Variants in TBX5 observed in about 807,000 individuals in gnomAD.
TBX5 encodes the protein T-box transcription factor TBX5.
TBX5 carries 8 observed loss-of-function variants against 51.1 expected under a neutral mutation model. The ratio of observed to expected loss-of-function variants is 0.16; its 90% CI spans 0.09 to 0.28. TBX5 has a LOEUF of 0.28. Ranked by LOEUF, TBX5 falls within the 10% of genes least tolerant of loss-of-function variation. TBX5 has a pLI of 1.00. For synonymous variants in TBX5, 302 were observed against 266.4 expected (o/e 1.13, Z -1.30); for missense variants, 589 against 671.7 (o/e 0.88, Z 1.36).
In TBX5 at chr12:114,355,596, G is replaced by A. The variant is rs1474068722; in HGVS notation, c.1493C>T (p.Ser498Phe). 2 of 1,614,214 alleles carry A rather than the reference G, an allele frequency of 1.2e-6. No individual in the cohort carries two copies. The highest frequency in any genetic ancestry group is 1.3e-5 in the African/African-American group (1 of 75,066). Residue 498 changes from serine to phenylalanine, a missense_variant, in exon 9 of 9, where the codon TCC (serine) becomes TTC (phenylalanine). Physicochemically the swap from Ser to Phe is radical, Grantham distance 155 (BLOSUM62 -2). Transcript: ENST00000405440. ...LYSHGVPRTL[S>F]PHQYHSVHGV... Reference sequence around the variant, plus strand: ...GTGCACAGAGTGGTACTGATGAGGGGATAGAGTCCTTGGCACGCCATGAGA... The same window carrying A: ...GTGCACAGAGTGGTACTGATGAGGGAATAGAGTCCTTGGCACGCCATGAGA...
chr12:114,384,667 T>C (rs1297604524), intron 7 of TBX5, among the ~76,000 whole-genome samples: 1 of 151,164 alleles, frequency 6.6e-6, no homozygotes, highest in Admixed American at 6.6e-5. Flanking sequence ...TCCAAAAGGA[T>C]CTCATTTTAT....
intron 1 of TBX5, among the ~76,000 whole-genome samples, chr12:114,405,260 C>T (rs747698819): frequency 1.3e-5 from 2 of 152,082 alleles, no homozygotes; most frequent in African/African-American, 2.4e-5. Context: ...ACTGGAGCCC[C>T]GCTGCCTACT....
At chr12:114,398,801 G>T (rs866738172) in intron 4 of TBX5, 81 bp from the exon 5 acceptor site, 191 of 1,519,608 alleles carry the variant, frequency 1.3e-4, no homozygotes, top group Middle Eastern at 4.2e-4. Flanking sequence ...TTCAGTTCAC[G>T]CACCAGGTGA....
chr12:114,401,767 T>C, intron 3 of TBX5, 59 bp downstream of exon 3: 3 of 1,544,430 alleles, frequency 1.9e-6, no homozygotes, highest in Non-Finnish European at 2.7e-6. Flanking sequence ...CCACCTTTTC[T>C]TCTTCACCTC....
chr12:114,382,177 G>A (rs183178154), intron 7 of TBX5, among the ~76,000 whole-genome samples: 78 of 152,092 alleles, frequency 5.1e-4, no homozygotes, highest in African/African-American at 1.7e-3. Context: ...AGCTGGATGC[G>A]GTGCTGTGTG....
At chr12:114,394,105 A>C (rs1871294410) in intron 6 of TBX5, among the ~76,000 whole-genome samples, 1 of 152,188 alleles carries the variant, frequency 6.6e-6, no homozygotes, top group Non-Finnish European at 1.5e-5. Context: ...CCAGGAGTTC[A>C]AGACCAGTCC....
At chr12:114,364,292 G>A (rs948355928) in intron 8 of TBX5, among the ~76,000 whole-genome samples, 17 of 152,192 alleles carry the variant, frequency 1.1e-4, no homozygotes, top group Admixed American at 3.3e-4. Flanking sequence ...GTTGACCACT[G>A]AGGCTGTGAG....
At chr12:114,363,517 G>C (rs1351217069) in intron 8 of TBX5, among the ~76,000 whole-genome samples, 1 of 152,124 alleles carries the variant, frequency 6.6e-6, no homozygotes, top group Non-Finnish European at 1.5e-5. Flanking sequence ...TAATTTAATC[G>C]ATTAGAGCTC....
At chr12:114,395,858 C>CCGTGGCCCGGCCGCCTCCCCGGCCG in intron 5 of TBX5, among the ~76,000 whole-genome samples, 2 of 152,242 alleles carry the variant, frequency 1.3e-5, no homozygotes, top group South Asian at 4.1e-4. Flanking sequence ...TTCCAGGCTG[C>CCGTGGCCCGGCCGCCTCCCCGGCCG]ACGTTCTTGC....
intron 7 of TBX5, among the ~76,000 whole-genome samples, chr12:114,370,071 A>G (rs1869769958): frequency 6.6e-6 from 1 of 152,012 alleles, no homozygotes; most frequent in Non-Finnish European, 1.5e-5. Flanking sequence ...TCTGGTCAAC[A>G]TGACGAAACC....
rs185820316 is a variant in TBX5 at position 114,381,207 on chromosome 12, G to C, written c.755+4269C>G. ...AGCAAATCCAAAAGTTATTTCTGTG[G>C]AATAAGTGCAAGGTAATGCTTAACT... On this transcript the variant is annotated intron_variant, in intron 7 of 8. Coordinates refer to ENST00000405440, the MANE Select transcript of TBX5 (RefSeq NM_181486.4). Among the ~76,000 whole-genome samples the C allele has an allele frequency of 4.6e-5, 7 of 152,336 alleles. No homozygotes were observed. The East Asian group carries it at 5.8e-4, about 13-fold the overall frequency.
At position 114,401,917 on chromosome 12, in the gene TBX5, T is replaced by C; in HGVS notation, c.151A>G (p.Met51Val). 1.2e-6 allele frequency: 2 copies of C among 1,614,194 alleles called. No homozygotes were observed. The highest frequency in any genetic ancestry group is 1.7e-6 in the Non-Finnish European group (2 of 1,180,030). ...SPQAAFTQQG[M>V]EGIKVFLHER... ...TGGAGAAACACTTTGATTCCCTCCA[T>C]GCCCTGCAAGAAGGAGAAAAAAGTC... The change falls in exon 3 of 9, where the codon ATG (methionine) becomes GTG (valine). Residue 51 changes from methionine (M) to valine (V), a missense_variant. By Grantham distance (21) the Met-to-Val change is conservative. Around this residue, in one of 7 missense-constraint regions of TBX5, gnomAD observed 101 missense variants for 83.3 expected, o/e 1.21. Coordinates refer to ENST00000405440, the MANE Select transcript of TBX5 (RefSeq NM_181486.4).
chr12:114,397,393 C>T (rs144155373), intron 5 of TBX5, among the ~76,000 whole-genome samples: 28 of 152,288 alleles, frequency 1.8e-4, no homozygotes, highest in Admixed American at 9.2e-4. Flanking sequence ...CCTAGGCTGC[C>T]GTGAGAATCA....
intron 7 of TBX5, among the ~76,000 whole-genome samples, chr12:114,380,369 C>T (rs1192544196): frequency 6.6e-6 from 1 of 152,176 alleles, no homozygotes; most frequent in Non-Finnish European, 1.5e-5. Context: ...AATTTCTGTG[C>T]TTTGCATATT....
At chr12:114,397,201 G>T (rs1042621070) in intron 5 of TBX5, among the ~76,000 whole-genome samples, 11 of 152,080 alleles carry the variant, frequency 7.2e-5, no homozygotes, top group South Asian at 2.1e-4. Context: ...CCTGAAATCG[G>T]CGACCATGCG....
At chr12:114,370,532 C>T (rs550712295) in intron 7 of TBX5, among the ~76,000 whole-genome samples, 1 of 152,178 alleles carries the variant, frequency 6.6e-6, no homozygotes, top group African/African-American at 2.4e-5. Context: ...TGGGTGCTAG[C>T]ATGGTCAGTT....
Position 114,398,733 on chromosome 12 carries a change from G to A in TBX5, c.363-13C>T. 3.1e-6 allele frequency: 5 copies of A among 1,594,700 alleles called. No homozygotes were observed. Among genetic ancestry groups the A allele is most frequent in the Non-Finnish European group, 4.3e-6 (5 of 1,170,646 alleles). On this transcript the variant is annotated splice_polypyrimidine_tract_variant and intron_variant, in intron 4 of 8. Coordinates refer to ENST00000405440, the MANE Select transcript of TBX5 (RefSeq NM_181486.4). ...GCCCGTCACAGACCTAGATGAAGGAGAGGTGTACTAGAGGCCTGGCTCAGA... is the reference window on the plus strand; with the variant it reads ...GCCCGTCACAGACCTAGATGAAGGAAAGGTGTACTAGAGGCCTGGCTCAGA...
Position 114,398,605 on chromosome 12 carries a change from G to A in TBX5, c.478C>T (p.Leu160Phe), listed in dbSNP as rs1464680326. 6.2e-7 allele frequency: 1 copy of A among 1,613,668 alleles called. No homozygotes were observed. Among genetic ancestry groups the A allele is most frequent in the Non-Finnish European group, 8.5e-7 (1 of 1,179,868 alleles). The change falls in exon 5 of 9, where the codon CTC becomes TTC. Residue 160 changes from leucine (L) to phenylalanine (F), a missense_variant. Physicochemically the swap from Leu to Phe is conservative, Grantham distance 22. Transcript: ENST00000405440. The stretch of plus-strand genomic sequence containing the variant: ...AATGGGTCCAGGTGGTTGTTGGTGA[G>A]CTTGAGTTTCTGGAAGGAGACGAGC... ...RQLVSFQKLK[L>F]TNNHLDPFGH...
chr12:114,400,200 C>T (rs1871721901), intron 3 of TBX5, among the ~76,000 whole-genome samples: 1 of 152,212 alleles, frequency 6.6e-6, no homozygotes, highest in Non-Finnish European at 1.5e-5. Flanking sequence ...CCCAGTATAA[C>T]TCGGTTAATG....
Sources: gnomAD v4.1 joint callset for allele counts (sites outside exome capture counted in the v4.1 genomes callset) on GRCh38, gnomAD v4.1.1 for gene constraint, gnomAD v4.1.1 regional missense constraint, MANE v1.5 for transcripts, NCBI Gene and HGNC (gene_info 2026-07-23, HGNC 2026-07-21) for gene names.